The following PXDNL variants were observed in gnomAD, a reference collection of about 807,000 sequenced individuals.
The protein encoded by PXDNL is peroxidasin like.
Under a neutral mutation model 150.8 loss-of-function variants are expected in PXDNL, and 145 were observed. The ratio of observed to expected loss-of-function variants is 0.96; its 90% CI spans 0.84 to 1.10. The LOEUF (loss-of-function observed/expected upper bound fraction) is 1.10, where lower values mean the gene tolerates loss of function less well. Ranked by LOEUF, PXDNL falls within the 50% of genes least tolerant of loss-of-function variation. The pLI is 0.00. For synonymous variants in PXDNL, 757 were observed against 725.7 expected, an observed-to-expected ratio of 1.04 and a Z score of -0.69; for missense variants, 2,087 against 1,873.9, an observed-to-expected ratio of 1.11 and a Z score of -2.10.
chr8:51,496,144 G>A (rs1003717241), intron 5 of PXDNL, among the ~76,000 whole-genome samples: 77 of 152,302 alleles, frequency 5.1e-4, no homozygotes, highest in Non-Finnish European at 2.9e-4. Flanking sequence ...ATCAATAAAT[G>A]TAATCCAGCA....
Position 51,486,750 on chromosome 8 carries a change from TTATATATATATATATATATATATA to T in PXDNL, c.453-3060_453-3037del, listed in dbSNP as rs1174441907. 5.8e-3 allele frequency among the ~76,000 whole-genome samples: 211 copies of T among 36,336 alleles called. 3 individuals are homozygous for T. The highest frequency in any genetic ancestry group is 0.021 in the African/African-American group (196 of 9,216). 23.8% of individuals were successfully genotyped at this position (36,336 alleles called of 152,430 possible). ...AGCACTTCTTCCTATGTTAAAAAGTTTATATATATATATATATATATATATATATATATATATATATATATTTTT... is the reference window on the plus strand; with the variant it reads ...AGCACTTCTTCCTATGTTAAAAAGTTTATATATATATATATATATATTTTT... On this transcript the variant is annotated intron_variant, in intron 5 of 22. Coordinates refer to ENST00000356297, the MANE Select transcript of PXDNL (RefSeq NM_144651.5).
intron 19 of PXDNL, among the ~76,000 whole-genome samples, chr8:51,347,732 C>T (rs977691402): frequency 5.4e-5 from 8 of 148,566 alleles, no homozygotes; most frequent in South Asian, 2.1e-4. Flanking sequence ...CATGAGCCAC[C>T]GCGCCCGACC....
intron 19 of PXDNL, 41 bp downstream of exon 19, chr8:51,371,832 T>A: frequency 6.8e-7 from 1 of 1,481,078 alleles, no homozygotes; most frequent in Non-Finnish European, 9.4e-7. Context: ...CATGAGAACA[T>A]GCACATCAAT....
chr8:51,685,738 C>T (rs1178750689), intron 1 of PXDNL, among the ~76,000 whole-genome samples: 1 of 152,186 alleles, frequency 6.6e-6, no homozygotes, highest in Non-Finnish European at 1.5e-5. Flanking sequence ...AGAACCTCAT[C>T]TCCCTTATTC....
Position 51,663,483 on chromosome 8 carries a change from T to C in PXDNL, c.165-8723A>G, listed in dbSNP as rs1461812620. Among the ~76,000 whole-genome samples, 7 of 152,318 alleles carry C rather than the reference T, an allele frequency of 4.6e-5. No homozygotes were observed. The East Asian group carries it at 5.8e-4, about 13-fold the overall frequency. Reference sequence around the variant, plus strand: ...TACAAACACCCTTTATTTCCTCTAATGAACTGACATTGACCGAGTTAATGG... The same window carrying C: ...TACAAACACCCTTTATTTCCTCTAACGAACTGACATTGACCGAGTTAATGG... On this transcript the variant is annotated intron_variant, in intron 1 of 22. Coordinates refer to ENST00000356297, the MANE Select transcript of PXDNL (RefSeq NM_144651.5).
intron 1 of PXDNL, among the ~76,000 whole-genome samples, chr8:51,684,019 G>A (rs952271): frequency 0.12 from 17,992 of 152,098 alleles, 2,303 homozygotes; most frequent in African/African-American, 0.33. Flanking sequence ...TTGACAAATG[G>A]GCCAGTTTAA....
At chr8:51,484,397 T>C (rs1810679294) in intron 5 of PXDNL, among the ~76,000 whole-genome samples, 1 of 142,720 alleles carries the variant, frequency 7.0e-6, no homozygotes, top group Non-Finnish European at 1.5e-5. Context: ...ATTGCACCCC[T>C]ACACTTCAGC....
At chr8:51,697,918 C>T (rs1451463180) in intron 1 of PXDNL, among the ~76,000 whole-genome samples, 1 of 152,182 alleles carries the variant, frequency 6.6e-6, no homozygotes. Flanking sequence ...TTTGGTTTTC[C>T]TGTACAAACA....
intron 5 of PXDNL, among the ~76,000 whole-genome samples, chr8:51,499,217 C>T (rs1321141415): frequency 6.6e-6 from 1 of 152,178 alleles, no homozygotes; most frequent in South Asian, 2.1e-4. Context: ...GCAACCTACG[C>T]CTCCCGGACT....
intron 2 of PXDNL, among the ~76,000 whole-genome samples, chr8:51,599,401 T>C (rs1813644514): frequency 6.6e-6 from 1 of 151,788 alleles, no homozygotes; most frequent in Non-Finnish European, 1.5e-5. Flanking sequence ...AACATTGCTT[T>C]TGTTTTGATA....
rs144457450 is a variant in PXDNL, at chr8:51,511,643, A to T, written c.381-11873T>A. Among the ~76,000 whole-genome samples the T allele has an allele frequency of 1.2e-4, 19 of 152,298 alleles. No homozygotes were observed. In the East Asian group the frequency reaches 3.7e-3, roughly 29 times the overall value. ...TTGCAAGGAGGGGGCTGCAGGCCAG[A>T]CTCAGGCAGGCAGGGCAGAAAAAGG... On this transcript the variant is annotated intron_variant, in intron 4 of 22. Coordinates refer to ENST00000356297, the MANE Select transcript of PXDNL (RefSeq NM_144651.5).
At chr8:51,781,775 T>G (rs1335885477) in intron 1 of PXDNL, among the ~76,000 whole-genome samples, 4 of 152,192 alleles carry the variant, frequency 2.6e-5, no homozygotes, top group Admixed American at 6.5e-5. Flanking sequence ...ACGAACTCAT[T>G]GATCCTTGCT....
At chr8:51,685,937 G>A (rs1056462838) in intron 1 of PXDNL, among the ~76,000 whole-genome samples, 1 of 152,210 alleles carries the variant, frequency 6.6e-6, no homozygotes, top group Admixed American at 6.5e-5. Flanking sequence ...TACATAAGGA[G>A]TATAAGTAAT....
chr8:51,738,629 T>C lies in PXDNL; in HGVS notation c.164+70552A>G, dbSNP rs549946297. Among the ~76,000 whole-genome samples, 14 of 10,004 alleles carry C rather than the reference T, an allele frequency of 1.4e-3. 1 individual carries two copies. In the East Asian group the frequency reaches 0.13, roughly 96 times the overall value. The allele number at this position is 10,004 out of a possible 152,430, so 6.6% of individuals were successfully genotyped here. A position where few individuals can be genotyped will look rare whatever the true frequency, so the allele number is the denominator to read the frequency against. On this transcript the variant is annotated intron_variant, in intron 1 of 22. Coordinates refer to ENST00000356297, the MANE Select transcript of PXDNL (RefSeq NM_144651.5). ...AACTTTACGCTCATAAACTTGACAG[T>C]GTAAAAAAAAAAGGAAAACTTCCTA...
chr8:51,635,149 C>A (rs375413762), intron 2 of PXDNL, among the ~76,000 whole-genome samples: 4 of 151,894 alleles, frequency 2.6e-5, no homozygotes, highest in East Asian at 3.8e-4. Flanking sequence ...GAGAAGAAAT[C>A]ATGAGGGAAA....
intron 5 of PXDNL, among the ~76,000 whole-genome samples, chr8:51,496,008 G>A (rs562527644): frequency 2.0e-5 from 3 of 152,278 alleles, no homozygotes; most frequent in East Asian, 3.9e-4. Context: ...TGACCCTGAT[G>A]AACATCGATG....
chr8:51,431,945 T>C (rs973812726), intron 12 of PXDNL, among the ~76,000 whole-genome samples: 1 of 152,222 alleles, frequency 6.6e-6, no homozygotes, highest in African/African-American at 2.4e-5. Context: ...GCCAGTTATA[T>C]ATATTGCAAA....
intron 1 of PXDNL, among the ~76,000 whole-genome samples, chr8:51,765,805 A>G (rs2037222609): frequency 6.6e-6 from 1 of 150,896 alleles, no homozygotes; most frequent in South Asian, 2.1e-4. Context: ...CTTCTTTGTT[A>G]AATCAAAATT....
chr8:51,576,211 A>AAC (rs1554554373), intron 3 of PXDNL, among the ~76,000 whole-genome samples: 84 of 151,106 alleles, frequency 5.6e-4, no homozygotes, highest in African/African-American at 1.7e-3. Flanking sequence ...AAAAAAAAAA[A>AAC]AAACAAACAA....
Sources: gnomAD v4.1 joint callset for allele counts (sites outside exome capture counted in the v4.1 genomes callset) on GRCh38, gnomAD v4.1.1 for gene constraint, MANE v1.5 for transcripts, NCBI Gene and HGNC (gene_info 2026-07-23, HGNC 2026-07-21) for gene names.